CYTH4: variants seen among roughly 807,000 people sequenced by gnomAD.
CYTH4 encodes the protein cytohesin-4.
Under a neutral mutation model 57.5 loss-of-function variants are expected in CYTH4, and 22 were observed. That is an observed-to-expected ratio of 0.38 (90% confidence interval 0.27 to 0.55). CYTH4 has a LOEUF of 0.55. CYTH4 is among the 20% of genes least tolerant of loss of function. The pLI is 0.74. For synonymous variants in CYTH4, 186 were observed against 206.5 expected, an observed-to-expected ratio of 0.90 and a Z score of 0.85; for missense variants, 420 against 535.6, an observed-to-expected ratio of 0.78 and a Z score of 2.13.
rs1928547430 is a variant in CYTH4 at position 37,286,092 on chromosome 22, G to C, written c.19+3504G>C. Reference sequence around the variant, plus strand: ...TCAGTTTCCCCAGCTCTGCAAAGTTGGCTTTGCAGGGGTTGGGTGGGGGCA... The same window carrying C: ...TCAGTTTCCCCAGCTCTGCAAAGTTCGCTTTGCAGGGGTTGGGTGGGGGCA... On this transcript the variant is annotated intron_variant, in intron 1 of 12. Transcript: ENST00000248901. Among the ~76,000 whole-genome samples the C allele has an allele frequency of 2.7e-5, 3 of 112,584 alleles. No homozygotes were observed. In the Admixed American group the frequency reaches 3.1e-4, roughly 12 times the overall value. The allele number at this position is 112,584 out of a possible 152,430, so 73.9% of individuals were successfully genotyped here. A position where few individuals can be genotyped will look rare whatever the true frequency, so the allele number is the denominator to read the frequency against.
At position 37,311,369 on chromosome 22, in the gene CYTH4, G is replaced by C; in HGVS notation, c.886-87G>C. The C allele has an allele frequency of 1.6e-6, 2 of 1,218,880 alleles. No homozygotes were observed. The highest frequency in any genetic ancestry group is 2.4e-6 in the Non-Finnish European group (2 of 827,362). The allele number at this position is 1,218,880 out of a possible 1,614,324, so 75.5% of individuals were successfully genotyped here. On this transcript the variant is annotated intron_variant, in intron 10 of 12. Transcript: ENST00000248901. This position sits in a 1 kb window ranked among gnomAD's most constrained non-coding sequence, Gnocchi z 4.4. ...GGAAGATGAGCACGCTCCTCTTTGA[G>C]TTTGGGGAACCCCACACGTTCACAC... is the stretch of plus-strand genomic sequence containing the variant.
chr22:37,296,191 G>C, intron 4 of CYTH4, 126 bp downstream of exon 4: 1 of 1,042,426 alleles, frequency 9.6e-7, no homozygotes. Context: ...GCCCAGCAGA[G>C]CTGAGCATCT....
At chr22:37,289,584 G>A (rs1404699569) in intron 1 of CYTH4, among the ~76,000 whole-genome samples, 6 of 152,242 alleles carry the variant, frequency 3.9e-5, no homozygotes, top group Non-Finnish European at 7.3e-5. Context: ...TCCACCAGCA[G>A]CGGTGACATG....
intron 9 of CYTH4, among the ~76,000 whole-genome samples, chr22:37,310,470 C>G (rs756956324): frequency 6.6e-6 from 1 of 152,204 alleles, no homozygotes. Flanking sequence ...CATTGGGGTT[C>G]GAATCCCAGC....
Position 37,311,563 on chromosome 22 carries a change from C to T in CYTH4, c.957+36C>T, listed in dbSNP as rs1381799952. On this transcript the variant is annotated intron_variant, in intron 11 of 12. Transcript: ENST00000248901. This position sits in a 1 kb window ranked among gnomAD's most constrained non-coding sequence, Gnocchi z 4.4. ...AGGTTGCAGGATCCCGAGGCTGGAG[C>T]CACTGGGAAATTTCCTAAACAGAAC... 1 of 1,602,510 alleles carries T rather than the reference C, an allele frequency of 6.2e-7. No individual in the cohort carries two copies. The highest frequency in any genetic ancestry group is 2.2e-5 in the East Asian group (1 of 44,832).
intron 4 of CYTH4, among the ~76,000 whole-genome samples, chr22:37,297,048 A>C (rs975221945): frequency 1.3e-5 from 2 of 152,174 alleles, no homozygotes; most frequent in African/African-American, 4.8e-5. Context: ...TTCACATAGA[A>C]AGGGAAGGAA....
chr22:37,300,843 C>A, intron 6 of CYTH4, 64 bp from the exon 7 acceptor site: 1 of 1,342,228 alleles, frequency 7.5e-7, no homozygotes, highest in Non-Finnish European at 1.1e-6. Context: ...AGAGGCAGGG[C>A]AGCTTGTCTG....
At position 37,301,002 on chromosome 22, in the gene CYTH4, G is replaced by A. The variant is rs1929158578; in HGVS notation, c.530G>A (p.Gly177Asp). 1.2e-6 allele frequency: 2 copies of A among 1,614,114 alleles called. No homozygotes were observed. Among genetic ancestry groups the A allele is most frequent in the Non-Finnish European group, 1.7e-6 (2 of 1,179,962 alleles). The stretch of plus-strand genomic sequence containing the variant: ...ACTCGATACTGCCTCTGCAACCCAG[G>A]CGTCTTCCAGTCCACAGGTGCCAGG... ...FATRYCLCNP[G>D]VFQSTDTCYV... Residue 177 changes from glycine to aspartate, a missense_variant, in exon 7 of 13, where the codon GGC becomes GAC. Coordinates refer to ENST00000248901, the MANE Select transcript of CYTH4 (RefSeq NM_013385.5).
Position 37,313,947 on chromosome 22 carries a change from T to A in CYTH4, c.*436T>A. 1 of 237,366 alleles carries A rather than the reference T, an allele frequency of 4.2e-6. No individual in the cohort carries two copies. Among genetic ancestry groups the A allele is most frequent in the Non-Finnish European group, 8.2e-6 (1 of 121,644 alleles). The allele number at this position is 237,366 out of a possible 1,614,324, so 14.7% of individuals were successfully genotyped here. The stretch of plus-strand genomic sequence containing the variant: ...TTCTTCTCCCTGGCAAGGCTCTTCC[T>A]TTTCAGGGATATCTCTGCCAACCCC... On this transcript the variant is annotated 3_prime_UTR_variant, in exon 13 of 13. Transcript: ENST00000248901.
chr22:37,295,391 C>A lies in CYTH4; in HGVS notation c.168-608C>A, dbSNP rs5756600. Among the ~76,000 whole-genome samples, 7 of 149,938 alleles carry A rather than the reference C, an allele frequency of 4.7e-5. No individual in the cohort carries two copies. Among genetic ancestry groups the A allele is most frequent in the African/African-American group, 1.5e-4 (6 of 39,682 alleles). ...CACCACACACATGCACACACACACA[C>A]GCATGCACACACACACAAGCATGCA... is the stretch of plus-strand genomic sequence containing the variant. On this transcript the variant is annotated intron_variant, in intron 3 of 12. Coordinates refer to ENST00000248901, the MANE Select transcript of CYTH4 (RefSeq NM_013385.5). This position sits in a 1 kb window ranked among gnomAD's most constrained non-coding sequence, Gnocchi z 4.1.
In CYTH4 at chr22:37,301,036, G is replaced by A. The variant is rs1183819484; in HGVS notation, c.547+17G>A. The A allele has an allele frequency of 6.2e-7, 1 of 1,606,684 alleles. No individual in the cohort carries two copies. The highest frequency in any genetic ancestry group is 8.5e-7 in the Non-Finnish European group (1 of 1,174,080). On this transcript the variant is annotated intron_variant, in intron 7 of 12. Coordinates refer to ENST00000248901, the MANE Select transcript of CYTH4 (RefSeq NM_013385.5). ...AGTCCACAGGTGCCAGGAGGGGAGTGGGACCCAGGGCTCCGGGACCCCTTC... is the reference window on the plus strand; with the variant it reads ...AGTCCACAGGTGCCAGGAGGGGAGTAGGACCCAGGGCTCCGGGACCCCTTC...
rs151256033 is a variant in CYTH4 at position 37,311,004 on chromosome 22, G to C, written c.825G>C (p.Thr275=). Residue 275 remains threonine, a synonymous_variant, in exon 10 of 13, where the codon ACG becomes ACC. Transcript: ENST00000248901. This position sits in a 1 kb window ranked among gnomAD's most constrained non-coding sequence, Gnocchi z 4.4. ...CTTGCGCAGGGGGCCGCGTGAAGACGTGGAAACGGCGCTGGTTCATCCTGA... is the reference window on the plus strand; with the variant it reads ...CTTGCGCAGGGGGCCGCGTGAAGACCTGGAAACGGCGCTGGTTCATCCTGA... ...WLLKLGGRVK[T]WKRRWFILTD... 2.1e-5 allele frequency: 34 copies of C among 1,614,082 alleles called. No individual in the cohort carries two copies. The highest frequency in any genetic ancestry group is 6.7e-5 in the East Asian group (3 of 44,896).
chr22:37,292,612 T>A lies in CYTH4; in HGVS notation c.20-9T>A. On this transcript the variant is annotated splice_polypyrimidine_tract_variant and intron_variant, in intron 1 of 12. Coordinates refer to ENST00000248901, the MANE Select transcript of CYTH4 (RefSeq NM_013385.5). ...CAAGTGATGGGGAAGGCCGGTTGTC[T>A]CTCTGTAGAGCCCGCGGAGCTGAGC... The A allele has an allele frequency of 6.2e-7, 1 of 1,613,456 alleles. No individual in the cohort carries two copies. The highest frequency in any genetic ancestry group is 1.1e-5 in the South Asian group (1 of 91,070).
At chr22:37,309,052 G>A (rs963587463) in intron 8 of CYTH4, among the ~76,000 whole-genome samples, 160 bp from the exon 9 acceptor site, 7 of 152,098 alleles carry the variant, frequency 4.6e-5, no homozygotes, top group African/African-American at 1.7e-4. Context: ...AACCAGGGAG[G>A]GGCTCACCAA....
Position 37,303,387 on chromosome 22 carries a change from C to T in CYTH4, c.681C>T (p.Pro227=), listed in dbSNP as rs141320333. 587 of 1,613,478 alleles carry T rather than the reference C, an allele frequency of 3.6e-4. 3 individuals carry two copies. In the South Asian group the frequency reaches 4.0e-3, roughly 11 times the overall value. Residue 227 remains proline, a synonymous_variant, in exon 8 of 13, where the codon CCC becomes CCT. Transcript: ENST00000248901. ...GCATCAACAATGGTAGCGACCTGCCCGAGGACCAGCTGCGGGTGAGAGAGG... is the reference window on the plus strand; with the variant it reads ...GCATCAACAATGGTAGCGACCTGCCTGAGGACCAGCTGCGGGTGAGAGAGG... ...NRGINNGSDL[P]EDQLRNLFDS...
At chr22:37,308,604 A>G (rs1929501345) in intron 8 of CYTH4, among the ~76,000 whole-genome samples, 2 of 148,730 alleles carry the variant, frequency 1.3e-5, no homozygotes, top group African/African-American at 2.5e-5. Flanking sequence ...CTGAGTGTGC[A>G]TGTATGTGTG....
At chr22:37,312,952 G>A (rs1300596276) in intron 12 of CYTH4, among the ~76,000 whole-genome samples, 2 of 152,254 alleles carry the variant, frequency 1.3e-5, no homozygotes, top group African/African-American at 4.8e-5. Flanking sequence ...GACTTGCAGG[G>A]TCTTTTCCCC....
chr22:37,282,666 G>T, intron 1 of CYTH4, 78 bp downstream of exon 1: 1 of 1,299,548 alleles, frequency 7.7e-7, no homozygotes, highest in Non-Finnish European at 1.1e-6. Context: ...GCCTCACAGG[G>T]TCCTAGATAA....
chr22:37,307,668 C>T (rs568541842), intron 8 of CYTH4, among the ~76,000 whole-genome samples: 105 of 152,264 alleles, frequency 6.9e-4, no homozygotes, highest in African/African-American at 2.4e-3. Context: ...CTTAAAATCT[C>T]GAAGAAAGCA....
Sources: allele counts gnomAD v4.1 joint callset (sites outside exome capture counted in the v4.1 genomes callset), GRCh38; gene constraint gnomAD v4.1.1; non-coding constraint Gnocchi (gnomAD v3.1); transcripts MANE v1.5; gene names NCBI Gene and HGNC (gene_info 2026-07-23, HGNC 2026-07-21).